CAB39L: variants seen among roughly 807,000 people sequenced by gnomAD.
The protein encoded by CAB39L is calcium binding protein 39 like, also known as calcium-binding protein 39-like.
CAB39L carries 23 observed loss-of-function variants against 39.1 expected under a neutral mutation model. That is an observed-to-expected ratio of 0.59 (90% CI 0.42 to 0.83). The LOEUF (loss-of-function observed/expected upper bound fraction) is 0.83. Ranked by LOEUF, CAB39L falls within the 40% of genes least tolerant of loss-of-function variation. CAB39L has a pLI of 0.00. For missense variants in CAB39L, 366 were observed against 391.9 expected (o/e 0.93, Z 0.56); for synonymous variants, 126 against 137.2 (o/e 0.92, Z 0.57).
At chr13:49,347,726 G>A (rs1320364670) in intron 7 of CAB39L, among the ~76,000 whole-genome samples, 1 of 152,092 alleles carries the variant, frequency 6.6e-6, no homozygotes, top group African/African-American at 2.4e-5. Flanking sequence ...TCTAGCCGCT[G>A]TACAATTTTT....
intron 7 of CAB39L, among the ~76,000 whole-genome samples, chr13:49,345,161 A>G (rs1170352581): frequency 6.6e-6 from 1 of 152,210 alleles, no homozygotes; most frequent in Non-Finnish European, 1.5e-5. Context: ...CAAGAATTTT[A>G]AAGTTTTCCA....
chr13:49,401,160 T>C (rs1281498565), intron 3 of CAB39L: 1 of 152,194 alleles, frequency 6.6e-6, no homozygotes, highest in African/African-American at 2.4e-5. Flanking sequence ...CCTAGGCTTT[T>C]CTAAGCAACA....
chr13:49,418,709 T>C (rs1317149500), intron 3 of CAB39L, among the ~76,000 whole-genome samples: 1 of 152,082 alleles, frequency 6.6e-6, no homozygotes, highest in Non-Finnish European at 1.5e-5. Flanking sequence ...ATTACAGGCA[T>C]GTGCAACCAT....
chr13:49,394,312 T>TA (rs1215796633), intron 3 of CAB39L, among the ~76,000 whole-genome samples: 5 of 151,246 alleles, frequency 3.3e-5, no homozygotes, highest in Admixed American at 6.6e-5. Flanking sequence ...TTCTCTATAA[T>TA]AAAAAAAAAT....
intron 5 of CAB39L, among the ~76,000 whole-genome samples, chr13:49,363,512 A>C (rs533475392): frequency 8.4e-4 from 128 of 152,300 alleles, no homozygotes; most frequent in Non-Finnish European, 1.5e-3. Context: ...ACAAAAAAAT[A>C]AAAAACAAGA....
chr13:49,332,162 A>G, intron 9 of CAB39L, 72 bp from the exon 10 acceptor site: 1 of 1,528,440 alleles, frequency 6.5e-7, no homozygotes, highest in South Asian at 1.2e-5. Context: ...ACGTCTTCTC[A>G]CTGAAAAACA....
At chr13:49,328,561 G>A (rs1954571498) in intron 10 of CAB39L, among the ~76,000 whole-genome samples, 1 of 152,022 alleles carries the variant, frequency 6.6e-6, no homozygotes, top group South Asian at 2.1e-4. Context: ...TATTATGGCT[G>A]GGTATGGTGG....
intron 5 of CAB39L, among the ~76,000 whole-genome samples, chr13:49,366,909 G>A (rs112114063): frequency 6.6e-6 from 1 of 151,930 alleles, no homozygotes; most frequent in Non-Finnish European, 1.5e-5. Context: ...CCAGCTACTC[G>A]GGAAGCTGAG....
intron 3 of CAB39L, among the ~76,000 whole-genome samples, chr13:49,419,158 C>G (rs1263346512): frequency 6.6e-6 from 1 of 150,634 alleles, no homozygotes; most frequent in Admixed American, 6.6e-5. Context: ...AGTAGAGACG[C>G]AGTTTCACCA....
At chr13:49,360,852 C>T (rs989877593) in intron 5 of CAB39L, among the ~76,000 whole-genome samples, 1 of 152,144 alleles carries the variant, frequency 6.6e-6, no homozygotes, top group Non-Finnish European at 1.5e-5. Flanking sequence ...GTGCCTGCTT[C>T]CCCTTCCGCC....
At position 49,332,325 on chromosome 13, in the gene CAB39L, T is replaced by C. The variant is rs188632766; in HGVS notation, c.691-235A>G. Among the ~76,000 whole-genome samples, 21 of 152,326 alleles carry C rather than the reference T, an allele frequency of 1.4e-4. No homozygotes were observed. The East Asian group carries it at 3.7e-3, about 27-fold the overall frequency. On this transcript the variant is annotated intron_variant, in intron 9 of 10. Transcript: ENST00000409308. Reference sequence around the variant, plus strand: ...CTTAGTACCTTTTTTTAGTTGGTCTTTGCTGCAGCTCACCTAGAGCTAGGC... The same window carrying C: ...CTTAGTACCTTTTTTTAGTTGGTCTCTGCTGCAGCTCACCTAGAGCTAGGC...
At chr13:49,385,967 TC>T (rs1437567636) in intron 3 of CAB39L, among the ~76,000 whole-genome samples, 4 of 152,284 alleles carry the variant, frequency 2.6e-5, no homozygotes, top group African/African-American at 9.6e-5. Context: ...CCAATAGACT[TC>T]CTCAATGCAG....
chr13:49,394,919 A>G (rs1053829325), intron 3 of CAB39L, among the ~76,000 whole-genome samples: 2 of 152,226 alleles, frequency 1.3e-5, no homozygotes, highest in African/African-American at 2.4e-5. Context: ...GTTAATGTTA[A>G]AAACAACATC....
At chr13:49,413,237 T>C (rs1957027181) in intron 3 of CAB39L, among the ~76,000 whole-genome samples, 1 of 152,236 alleles carries the variant, frequency 6.6e-6, no homozygotes, top group African/African-American at 2.4e-5. Context: ...TATTTTACCG[T>C]ATTTTATCAT....
chr13:49,405,773 G>A (rs1157384588), intron 3 of CAB39L, among the ~76,000 whole-genome samples: 4 of 148,314 alleles, frequency 2.7e-5, no homozygotes, highest in African/African-American at 5.0e-5. Context: ...GAGGGACAGA[G>A]GGAGGGAGGG....
chr13:49,354,385 AC>A (rs1382129161), intron 6 of CAB39L, among the ~76,000 whole-genome samples: 2 of 152,138 alleles, frequency 1.3e-5, no homozygotes, highest in Non-Finnish European at 2.9e-5. Context: ...CTACCTGACT[AC>A]CCTCTAGTAT....
chr13:49,438,030 G>A (rs1432475454), intron 1 of CAB39L, among the ~76,000 whole-genome samples: 3 of 151,616 alleles, frequency 2.0e-5, no homozygotes, highest in South Asian at 4.2e-4. Flanking sequence ...ACAAGCTTTC[G>A]CCATGTTGCC....
At chr13:49,346,097 C>CTA (rs1955153735) in intron 7 of CAB39L, among the ~76,000 whole-genome samples, 1 of 8,682 alleles carries the variant, frequency 1.2e-4, no homozygotes, top group Non-Finnish European at 2.7e-4. Flanking sequence ...TATATATATG[C>CTA]TAGATATATA....
chr13:49,421,005 T>C (rs1386686796), intron 3 of CAB39L, among the ~76,000 whole-genome samples: 1 of 152,148 alleles, frequency 6.6e-6, no homozygotes, highest in African/African-American at 2.4e-5. Flanking sequence ...TATCTGTACA[T>C]TATATTTCAA....
Sources: gnomAD v4.1 joint callset for allele counts (sites outside exome capture counted in the v4.1 genomes callset) on GRCh38, gnomAD v4.1.1 for gene constraint, MANE v1.5 for transcripts, NCBI Gene and HGNC (gene_info 2026-07-23, HGNC 2026-07-21) for gene names.